The following RFX3 variants were observed in gnomAD, a reference collection of about 807,000 sequenced individuals.
The protein encoded by RFX3 is regulatory factor X3, also known as transcription factor RFX3.
A neutral mutation model predicts 98.6 loss-of-function variants in RFX3; 14 were observed. That is an observed-to-expected ratio of 0.14 (90% CI 0.09 to 0.22). The LOEUF (loss-of-function observed/expected upper bound fraction) is 0.22. Ranked by LOEUF, RFX3 falls within the 10% of genes least tolerant of loss-of-function variation. The probability of loss-of-function intolerance (pLI) is 1.00; values close to 1 mark genes in which losing one functional copy is unlikely to be tolerated. For missense variants in RFX3, 639 were observed against 926.9 expected (o/e 0.69, Z 4.03); for synonymous variants, 383 against 328.4 (o/e 1.17, Z -1.80).
At chr9:3,505,108 T>C (rs1166183858) in intron 1 of RFX3, among the ~76,000 whole-genome samples, 4 of 98,128 alleles carry the variant, frequency 4.1e-5, no homozygotes, top group Non-Finnish European at 5.4e-5. Flanking sequence ...TAGATTTATT[T>C]TATATTTTAT....
chr9:3,492,106 G>A (rs2133519060), intron 1 of RFX3, among the ~76,000 whole-genome samples: 1 of 152,202 alleles, frequency 6.6e-6, no homozygotes, highest in South Asian at 2.1e-4. Context: ...CTAGATGCTT[G>A]GCAATGTGCT....
At chr9:3,242,620 G>C (rs900216420) in intron 15 of RFX3, among the ~76,000 whole-genome samples, 2 of 152,058 alleles carry the variant, frequency 1.3e-5, no homozygotes, top group Admixed American at 1.3e-4. Flanking sequence ...CCACCAAATG[G>C]AATTCTTTCA....
At chr9:3,504,482 AAATATAT>A (rs1816518773) in intron 1 of RFX3, among the ~76,000 whole-genome samples, 1 of 128,826 alleles carries the variant, frequency 7.8e-6, no homozygotes, top group African/African-American at 2.9e-5. Context: ...ATTGTATATA[AAATATAT>A]ATTATATGCC....
At chr9:3,311,492 C>T (rs1829955275) in intron 4 of RFX3, among the ~76,000 whole-genome samples, 1 of 152,192 alleles carries the variant, frequency 6.6e-6, no homozygotes, top group Non-Finnish European at 1.5e-5. Flanking sequence ...AGAAAGAACA[C>T]TTCCCTTTTG....
At chr9:3,305,267 T>A (rs527949876) in intron 4 of RFX3, among the ~76,000 whole-genome samples, 1 of 151,956 alleles carries the variant, frequency 6.6e-6, no homozygotes. Context: ...AAGTAGATAA[T>A]GTATGCGGGA....
At chr9:3,260,649 T>C (rs1032413923) in intron 13 of RFX3, among the ~76,000 whole-genome samples, 1 of 151,624 alleles carries the variant, frequency 6.6e-6, no homozygotes, top group Non-Finnish European at 1.5e-5. Flanking sequence ...TTGAAATAAA[T>C]ATTACAGTAT....
At chr9:3,394,419 T>C (rs1251486930) in intron 2 of RFX3, among the ~76,000 whole-genome samples, 1 of 152,146 alleles carries the variant, frequency 6.6e-6, no homozygotes, top group African/African-American at 2.4e-5. Context: ...GCCGAGATGA[T>C]GCCACTGCAC....
At chr9:3,277,141 T>C (rs1340618190) in intron 8 of RFX3, among the ~76,000 whole-genome samples, 199 bp downstream of exon 8, 1 of 152,026 alleles carries the variant, frequency 6.6e-6, no homozygotes, top group Non-Finnish European at 1.5e-5. Flanking sequence ...CCTATATAGC[T>C]CGAGATTTTT....
At position 3,223,558 on chromosome 9, in the gene RFX3, C is replaced by G. The variant is rs932966390; in HGVS notation, c.*1484G>C. ...TTAAAACTAGCCTGCTATTCCACACCCTTAAGCAATCTGATTTGTAATCAA... is the reference window on the plus strand; with the variant it reads ...TTAAAACTAGCCTGCTATTCCACACGCTTAAGCAATCTGATTTGTAATCAA... On this transcript the variant is annotated 3_prime_UTR_variant, in exon 17 of 17. Transcript: ENST00000617270. 7.2e-5 allele frequency: 11 copies of G among 152,156 alleles called. No homozygotes were observed. Among genetic ancestry groups the G allele is most frequent in the African/African-American group, 2.7e-4 (11 of 41,428 alleles). The allele number at this position is 152,156 out of a possible 1,614,324, so 9.4% of individuals were successfully genotyped here.
rs369490284 is a variant in RFX3, at chr9:3,482,868, AT to A, written c.-9+42878del. ...CTTGATTCTGTAACTGAAAAAAAAA[AT>A]CCAGCATCACTTGGTATGTCCACTT... On this transcript the variant is annotated intron_variant, in intron 1 of 16. Transcript: ENST00000617270. Among the ~76,000 whole-genome samples, 30 of 152,256 alleles carry A rather than the reference AT, an allele frequency of 2.0e-4. No homozygotes were observed. In the East Asian group the frequency reaches 4.8e-3, roughly 24 times the overall value.
At chr9:3,226,565 G>A (rs1817797646) in intron 16 of RFX3, among the ~76,000 whole-genome samples, 1 of 152,150 alleles carries the variant, frequency 6.6e-6, no homozygotes, top group Admixed American at 6.5e-5. Flanking sequence ...AAACAAAGAA[G>A]TGCTCTTAGA....
At chr9:3,318,899 C>G (rs536406780) in intron 4 of RFX3, among the ~76,000 whole-genome samples, 1 of 152,222 alleles carries the variant, frequency 6.6e-6, no homozygotes, top group Non-Finnish European at 1.5e-5. Context: ...TCAAGATTGT[C>G]TTTTTGGACT....
intron 1 of RFX3, among the ~76,000 whole-genome samples, chr9:3,493,188 A>G (rs1036868382): frequency 1.3e-5 from 2 of 152,126 alleles, no homozygotes; most frequent in Admixed American, 1.3e-4. Flanking sequence ...CCATGAACTG[A>G]AAGTAAAAGA....
At position 3,249,507 on chromosome 9, in the gene RFX3, A is replaced by G. The variant is rs1821107166; in HGVS notation, c.1815-1322T>C. On this transcript the variant is annotated intron_variant, in intron 14 of 16. Transcript: ENST00000617270. Reference sequence around the variant, plus strand: ...TAAAGGATGTGAAATCAACTTATGGATGACTAGAACGCTATTCAAATATAA... The same window carrying G: ...TAAAGGATGTGAAATCAACTTATGGGTGACTAGAACGCTATTCAAATATAA... Among the ~76,000 whole-genome samples, 3 of 152,262 alleles carry G rather than the reference A, an allele frequency of 2.0e-5. No individual in the cohort carries two copies. In the South Asian group the frequency reaches 6.2e-4, roughly 32 times the overall value.
chr9:3,501,981 G>T (rs568948817), intron 1 of RFX3, among the ~76,000 whole-genome samples: 1 of 152,080 alleles, frequency 6.6e-6, no homozygotes, highest in South Asian at 2.1e-4. Flanking sequence ...GCCAGGCGCG[G>T]TGGCTCACGC....
At chr9:3,327,430 A>G (rs1204775737) in intron 4 of RFX3, among the ~76,000 whole-genome samples, 1 of 152,192 alleles carries the variant, frequency 6.6e-6, no homozygotes, top group African/African-American at 2.4e-5. Context: ...AATTAAATAT[A>G]CTTTTCAATA....
chr9:3,290,282 AG>A (rs1466660972), intron 6 of RFX3, among the ~76,000 whole-genome samples: 1 of 152,126 alleles, frequency 6.6e-6, no homozygotes. Flanking sequence ...AGAAAGTAAA[AG>A]CGGCAATATT....
chr9:3,485,180 C>T (rs1328567738), intron 1 of RFX3, among the ~76,000 whole-genome samples: 1 of 152,054 alleles, frequency 6.6e-6, no homozygotes, highest in Non-Finnish European at 1.5e-5. Context: ...AAAACCATTT[C>T]CCCTTGGAAA....
chr9:3,498,989 A>G (rs1470525464), intron 1 of RFX3, among the ~76,000 whole-genome samples: 1 of 152,128 alleles, frequency 6.6e-6, no homozygotes, highest in African/African-American at 2.4e-5. Flanking sequence ...TTGGCCTACA[A>G]TTCAAGACAC....
Sources: allele counts gnomAD v4.1 joint callset (sites outside exome capture counted in the v4.1 genomes callset), GRCh38; gene constraint gnomAD v4.1.1; transcripts MANE v1.5; gene names NCBI Gene and HGNC (gene_info 2026-07-23, HGNC 2026-07-21).